The following HIPK3 variants were observed in gnomAD, a reference collection of about 807,000 sequenced individuals.
HIPK3 encodes homeodomain-interacting protein kinase 3.
A neutral mutation model predicts 124.2 loss-of-function variants in HIPK3; 47 were observed. The observed-to-expected ratio is 0.38, with a 90% CI of 0.30 to 0.48. The LOEUF is 0.48. Ranked by LOEUF, HIPK3 falls within the 20% of genes least tolerant of loss-of-function variation. HIPK3 has a pLI of 0.98. For synonymous variants in HIPK3, 482 were observed against 515.2 expected (o/e 0.94, Z 0.87); for missense variants, 1,286 against 1,454.3 (o/e 0.88, Z 1.88).
chr11:33,261,418 C>T (rs1443311143), intron 1 of HIPK3, among the ~76,000 whole-genome samples: 1 of 151,810 alleles, frequency 6.6e-6, no homozygotes, highest in African/African-American at 2.4e-5. Context: ...TCTTTGTGTC[C>T]ATGTGTTCTC....
upstream of HIPK3, among the ~76,000 whole-genome samples, chr11:33,256,987 G>T (rs1850680814): frequency 6.6e-6 from 1 of 152,186 alleles, no homozygotes; most frequent in South Asian, 2.1e-4. Flanking sequence ...TACGGTTCCG[G>T]GATCTCGAAA....
chr11:33,338,833 A>G lies in HIPK3; in HGVS notation c.1418A>G (p.Asp473Gly). ...AAATACATTTTCAACAGTCTGGATG[A>G]TGTAGCGCATGTGAGTACCATAGCC... ...ARKYIFNSLD[D>G]VAHVNTVMDL... Residue 473 changes from aspartate to glycine, a missense_variant, in exon 5 of 17, where the codon GAT becomes GGT. Physicochemically the swap from Asp to Gly is moderately conservative, Grantham distance 94 (BLOSUM62 -1). Transcript: ENST00000303296. 6.2e-7 allele frequency: 1 copy of G among 1,609,626 alleles called. No homozygotes were observed. Among genetic ancestry groups the G allele is most frequent in the Non-Finnish European group, 8.5e-7 (1 of 1,176,424 alleles).
In HIPK3 at chr11:33,286,516, A is replaced by G; in HGVS notation, c.102A>G (p.Val34=). ...KKLKVEPSSC[V]FQERNYPRTY... Reference sequence around the variant, plus strand: ...TCAAAGTAGAGCCAAGCAGTTGTGTATTCCAGGAAAGAAACTATCCACGGA... The same window carrying G: ...TCAAAGTAGAGCCAAGCAGTTGTGTGTTCCAGGAAAGAAACTATCCACGGA... The change falls in exon 2 of 17, where the codon GTA becomes GTG. Residue 34 remains valine (V), a synonymous_variant. Coordinates refer to ENST00000303296, the MANE Select transcript of HIPK3 (RefSeq NM_005734.5). The G allele has an allele frequency of 6.2e-7, 1 of 1,612,796 alleles. No homozygotes were observed. The highest frequency in any genetic ancestry group is 1.1e-5 in the South Asian group (1 of 91,066).
upstream of HIPK3, chr11:33,256,701 T>A (rs1042920577): frequency 8.1e-6 from 8 of 983,948 alleles, no homozygotes; most frequent in Admixed American, 4.9e-4. Flanking sequence ...GGAAAGAAAC[T>A]AGTCTTTGGG....
chr11:33,297,219 G>A (rs1039035325), intron 2 of HIPK3, among the ~76,000 whole-genome samples: 2 of 150,700 alleles, frequency 1.3e-5, no homozygotes, highest in African/African-American at 2.4e-5. Flanking sequence ...TCAGCCTCCC[G>A]AGTAGCTGGG....
intron 15 of HIPK3, 86 bp downstream of exon 15, chr11:33,351,929 T>G: frequency 8.4e-7 from 1 of 1,193,940 alleles, no homozygotes; most frequent in Non-Finnish European, 1.2e-6. Flanking sequence ...GCCAAAGTCA[T>G]CTCTGAATTT....
intron 3 of HIPK3, among the ~76,000 whole-genome samples, chr11:33,335,961 C>T (rs114271653): frequency 0.012 from 1,796 of 152,226 alleles, 40 homozygotes; most frequent in African/African-American, 0.04. Context: ...CATGCACTTT[C>T]ATGGGCTCTG....
At chr11:33,274,476 C>T (rs1409768907) in intron 1 of HIPK3, among the ~76,000 whole-genome samples, 1 of 152,096 alleles carries the variant, frequency 6.6e-6, no homozygotes, top group African/African-American at 2.4e-5. Context: ...TCTAATAGCT[C>T]ATTGGTAGAT....
At position 33,347,308 on chromosome 11, in the gene HIPK3, A is replaced by G. The variant is rs754119933; in HGVS notation, c.1913A>G (p.His638Arg). ...PPAIQGIPAT[H>R]GKPTSYSIRV... ...TGTTTCACAGGTATTCCTGCAACAC[A>G]TGGTAAACCCACCAGTTATTCAATA... The change falls in exon 9 of 17, where the codon CAT becomes CGT. Residue 638 changes from histidine (H) to arginine (R), a missense_variant. Transcript: ENST00000303296. 4 of 1,613,038 alleles carry G rather than the reference A, an allele frequency of 2.5e-6. No homozygotes were observed. The highest frequency in any genetic ancestry group is 3.4e-6 in the Non-Finnish European group (4 of 1,179,316).
At chr11:33,283,212 G>A (rs1335436854) in intron 1 of HIPK3, among the ~76,000 whole-genome samples, 2 of 151,590 alleles carry the variant, frequency 1.3e-5, no homozygotes, top group African/African-American at 4.9e-5. Context: ...CCGGGTTCAC[G>A]CCATTCTCCT....
chr11:33,277,382 A>G (rs1565058505), intron 1 of HIPK3, among the ~76,000 whole-genome samples: 1 of 152,178 alleles, frequency 6.6e-6, no homozygotes, highest in Non-Finnish European at 1.5e-5. Flanking sequence ...ATTTTGCTGC[A>G]CTTCATCAGT....
intron 16 of HIPK3, 87 bp from the exon 17 acceptor site, chr11:33,353,005 A>G: frequency 2.6e-6 from 2 of 773,846 alleles, no homozygotes; most frequent in Non-Finnish European, 4.2e-6. Flanking sequence ...TCAATCACAA[A>G]GGGTATATTG....
intron 1 of HIPK3, among the ~76,000 whole-genome samples, chr11:33,284,100 A>G (rs957597151): frequency 6.6e-6 from 1 of 152,308 alleles, no homozygotes; most frequent in East Asian, 1.9e-4. Context: ...TTTAATATCG[A>G]TATTACAGAT....
At chr11:33,280,574 T>C (rs1365260870) in intron 1 of HIPK3, among the ~76,000 whole-genome samples, 1 of 152,188 alleles carries the variant, frequency 6.6e-6, no homozygotes, top group African/African-American at 2.4e-5. Context: ...GTTTATTTTC[T>C]AAAGTCCCTT....
At chr11:33,306,999 T>C (rs1348485751) in intron 2 of HIPK3, among the ~76,000 whole-genome samples, 1 of 149,742 alleles carries the variant, frequency 6.7e-6, no homozygotes, top group Non-Finnish European at 1.5e-5. Context: ...AGTCCAGCGG[T>C]GCGAACTCAG....
chr11:33,347,195 CTG>C lies in HIPK3; in HGVS notation c.1898-96_1898-95del, dbSNP rs1463593843. Reference sequence around the variant, plus strand: ...GCCCTGTCTCAAAAAAAAAAAAAATCTGTCAGAATCTAAGCAATTCTTGACAT... The same window carrying C: ...GCCCTGTCTCAAAAAAAAAAAAAATCTCAGAATCTAAGCAATTCTTGACAT... On this transcript the variant is annotated intron_variant, in intron 8 of 16. Coordinates refer to ENST00000303296, the MANE Select transcript of HIPK3 (RefSeq NM_005734.5). 3.1e-5 allele frequency: 35 copies of C among 1,135,106 alleles called. No homozygotes were observed. The East Asian group carries it at 9.4e-4, about 31-fold the overall frequency. 70.3% of individuals were successfully genotyped at this position (1,135,106 alleles called of 1,614,324 possible). A position where few individuals can be genotyped will look rare whatever the true frequency, so the allele number is the denominator to read the frequency against.
At chr11:33,272,543 A>C (rs1434562781) in intron 1 of HIPK3, among the ~76,000 whole-genome samples, 1 of 152,114 alleles carries the variant, frequency 6.6e-6, no homozygotes. Context: ...GACCTGTTGC[A>C]AGTTTCTGCT....
At chr11:33,336,974 T>C (rs1168746184) in intron 3 of HIPK3, 101 bp from the exon 4 acceptor site, 1 of 745,468 alleles carries the variant, frequency 1.3e-6, no homozygotes, top group Admixed American at 3.0e-5. Flanking sequence ...GGGCATAGAC[T>C]ATGTATTTTC....
intron 2 of HIPK3, among the ~76,000 whole-genome samples, chr11:33,311,158 C>G (rs932013991): frequency 1.3e-5 from 2 of 152,124 alleles, no homozygotes; most frequent in Non-Finnish European, 2.9e-5. Flanking sequence ...CTTGTCTGTT[C>G]TCTGATGACT....
Sources: gnomAD v4.1 joint callset for allele counts (sites outside exome capture counted in the v4.1 genomes callset) on GRCh38, gnomAD v4.1.1 for gene constraint, MANE v1.5 for transcripts, NCBI Gene and HGNC (gene_info 2026-07-23, HGNC 2026-07-21) for gene names.